Variants in SPATA17 observed in about 807,000 individuals in gnomAD.
The protein encoded by SPATA17 is spermatogenesis-associated protein 17.
SPATA17 carries 53 observed loss-of-function variants against 62.2 expected under a neutral mutation model. That is an observed-to-expected ratio of 0.85 (90% confidence interval 0.68 to 1.07). The LOEUF (loss-of-function observed/expected upper bound fraction) is 1.07, where lower values mean the gene tolerates loss of function less well. SPATA17 is among the 50% of genes least tolerant of loss of function. The pLI, the probability that SPATA17 is intolerant of heterozygous loss-of-function variation, is 0.00. For synonymous variants in SPATA17, 146 were observed against 146.8 expected (o/e 0.99, Z 0.04); for missense variants, 466 against 425.5 (o/e 1.10, Z -0.84).
At chr1:217,745,391 G>A (rs1672724427) in intron 6 of SPATA17, among the ~76,000 whole-genome samples, 1 of 152,082 alleles carries the variant, frequency 6.6e-6, no homozygotes. Context: ...AGACTCATCT[G>A]TTCATTTTGT....
intron 9 of SPATA17, among the ~76,000 whole-genome samples, chr1:217,846,210 A>G: frequency 6.6e-6 from 1 of 152,098 alleles, no homozygotes; most frequent in East Asian, 1.9e-4. Context: ...TAACACCTAT[A>G]TCGTAATCTA....
intron 4 of SPATA17, among the ~76,000 whole-genome samples, chr1:217,678,611 A>G (rs1327741599): frequency 6.6e-6 from 1 of 152,184 alleles, no homozygotes; most frequent in East Asian, 1.9e-4. Flanking sequence ...ATGGAGGGAA[A>G]ATCTTTTCTA....
intron 9 of SPATA17, among the ~76,000 whole-genome samples, chr1:217,857,405 C>G (rs1245516881): frequency 2.6e-5 from 4 of 152,148 alleles, no homozygotes; most frequent in Non-Finnish European, 5.9e-5. Context: ...TCCCAAGGAG[C>G]TCATTTTGGC....
At chr1:217,796,753 C>A (rs980914774) in intron 8 of SPATA17, among the ~76,000 whole-genome samples, 1 of 152,180 alleles carries the variant, frequency 6.6e-6, no homozygotes, top group Non-Finnish European at 1.5e-5. Flanking sequence ...AAAAACTCCA[C>A]TAATCTATGT....
At chr1:217,637,494 C>T (rs892872338) in intron 1 of SPATA17, among the ~76,000 whole-genome samples, 2 of 152,138 alleles carry the variant, frequency 1.3e-5, no homozygotes, top group East Asian at 1.9e-4. Flanking sequence ...GTGATTTGCA[C>T]GTACTTCATT....
intron 10 of SPATA17, among the ~76,000 whole-genome samples, chr1:217,863,119 C>CTTTTT (rs35673625): frequency 1.5e-3 from 164 of 111,712 alleles, no homozygotes; most frequent in Non-Finnish European, 2.2e-3. Flanking sequence ...AATACTCTTT[C>CTTTTT]TTTTTTTTTT....
chr1:217,765,693 G>A (rs1673283011), intron 6 of SPATA17, among the ~76,000 whole-genome samples: 2 of 151,918 alleles, frequency 1.3e-5, no homozygotes, highest in Non-Finnish European at 2.9e-5. Context: ...TGTTCTATGT[G>A]AGTGTTTAGG....
At position 217,749,985 on chromosome 1, in the gene SPATA17, C is replaced by CTCTCTCTCTCTATATATATATATATA; in HGVS notation, c.519+7888_519+7889insCTCTCTCTCTATATATATATATATAT. 4.1e-4 allele frequency among the ~76,000 whole-genome samples: 5 copies of CTCTCTCTCTCTATATATATATATATA among 12,306 alleles called. 1 individual carries two copies. Among genetic ancestry groups the CTCTCTCTCTCTATATATATATATATA allele is most frequent in the Non-Finnish European group, 4.7e-4 (3 of 6,332 alleles). The allele number at this position is 12,306 out of a possible 152,430, so 8.1% of individuals were successfully genotyped here. ...TCTCTCTCTCTCTCTCTCTCTCTCT[C>CTCTCTCTCTCTATATATATATATATA]TATATATATATATATATATATATAT... On this transcript the variant is annotated intron_variant, in intron 6 of 10. Coordinates refer to ENST00000366933, the MANE Select transcript of SPATA17 (RefSeq NM_138796.4).
chr1:217,782,525 TC>T (rs1673754298), intron 8 of SPATA17, among the ~76,000 whole-genome samples: 1 of 152,030 alleles, frequency 6.6e-6, no homozygotes. Flanking sequence ...TTTTGACAAC[TC>T]AAAAGACAAA....
intron 6 of SPATA17, among the ~76,000 whole-genome samples, chr1:217,758,541 G>A (rs1673099669): frequency 1.3e-5 from 2 of 152,160 alleles, no homozygotes; most frequent in Admixed American, 6.5e-5. Flanking sequence ...AAAGGTGGAG[G>A]TGGGAATTTG....
At chr1:217,720,976 C>T (rs1016968356) in intron 5 of SPATA17, among the ~76,000 whole-genome samples, 4 of 152,108 alleles carry the variant, frequency 2.6e-5, no homozygotes, top group African/African-American at 9.7e-5. Context: ...ACTAGAAAGA[C>T]ATATATATCC....
At chr1:217,843,386 G>A (rs936734589) in intron 9 of SPATA17, among the ~76,000 whole-genome samples, 3 of 152,038 alleles carry the variant, frequency 2.0e-5, no homozygotes, top group Non-Finnish European at 2.9e-5. Flanking sequence ...GGAGGCTGAG[G>A]TGGGAGGATC....
chr1:217,631,543 C>A, intron 1 of SPATA17, 97 bp downstream of exon 1: 1 of 1,297,890 alleles, frequency 7.7e-7, no homozygotes, highest in South Asian at 1.2e-5. Flanking sequence ...AACGATTACC[C>A]TAATTCATTA....
intron 10 of SPATA17, among the ~76,000 whole-genome samples, chr1:217,865,782 T>C (rs1334509648): frequency 6.6e-6 from 1 of 152,218 alleles, no homozygotes; most frequent in Non-Finnish European, 1.5e-5. Flanking sequence ...TGAGTTTTCA[T>C]GCATTACAGG....
intron 8 of SPATA17, among the ~76,000 whole-genome samples, chr1:217,799,562 A>G (rs1193133989): frequency 6.6e-6 from 1 of 152,112 alleles, no homozygotes; most frequent in African/African-American, 2.4e-5. Context: ...TGCTTCTGTA[A>G]CTTTGTATAA....
chr1:217,730,524 T>G (rs2102940876), intron 5 of SPATA17, among the ~76,000 whole-genome samples: 1 of 152,192 alleles, frequency 6.6e-6, no homozygotes. Context: ...CCCAGCCAAG[T>G]TTTTGTTTGT....
chr1:217,775,177 T>C (rs1673556551), intron 7 of SPATA17, among the ~76,000 whole-genome samples: 1 of 152,224 alleles, frequency 6.6e-6, no homozygotes, highest in African/African-American at 2.4e-5. Context: ...ATTTTTCTAA[T>C]TGTTAGCGAT....
At chr1:217,805,363 C>G (rs61825827) in intron 9 of SPATA17, among the ~76,000 whole-genome samples, 1 of 151,936 alleles carries the variant, frequency 6.6e-6, no homozygotes, top group Non-Finnish European at 1.5e-5. Context: ...ATGGTGGTTA[C>G]TAGGAACTTG....
chr1:217,766,395 A>G (rs1303485530), intron 6 of SPATA17, among the ~76,000 whole-genome samples: 2 of 151,838 alleles, frequency 1.3e-5, no homozygotes. Flanking sequence ...TGCAATACAC[A>G]TTTGCAACTC....
Sources: gnomAD v4.1 joint callset for allele counts (sites outside exome capture counted in the v4.1 genomes callset) on GRCh38, gnomAD v4.1.1 for gene constraint, MANE v1.5 for transcripts, NCBI Gene and HGNC (gene_info 2026-07-23, HGNC 2026-07-21) for gene names.